CHST9: variants seen among roughly 807,000 people sequenced by gnomAD.
CHST9 encodes GalNAc-4-sulfotransferase 2.
CHST9 carries 41 observed loss-of-function variants against 44.4 expected under a neutral mutation model. That is an observed-to-expected ratio of 0.92 (90% CI 0.72 to 1.20). The LOEUF (loss-of-function observed/expected upper bound fraction) is 1.20. CHST9 is among the 50% of genes most tolerant of loss of function. The probability of loss-of-function intolerance (pLI) is 0.00; values close to 1 mark genes in which losing one functional copy is unlikely to be tolerated. For missense variants in CHST9, 504 were observed against 516.5 expected (o/e 0.98, Z 0.23); for synonymous variants, 171 against 178.4 (o/e 0.96, Z 0.33).
chr18:26,998,825 G>A lies in CHST9; in HGVS notation c.202+25291C>T, dbSNP rs1351540158. Among the ~76,000 whole-genome samples, 3 of 152,164 alleles carry A rather than the reference G, an allele frequency of 2.0e-5. No individual in the cohort carries two copies. The South Asian group carries it at 6.2e-4, about 32-fold the overall frequency. Reference sequence around the variant, plus strand: ...TGTTCTTTTTCATTCATACCAAATGGGAAAGAATTTCCTGTCAATGCTGGC... The same window carrying A: ...TGTTCTTTTTCATTCATACCAAATGAGAAAGAATTTCCTGTCAATGCTGGC... On this transcript the variant is annotated intron_variant, in intron 4 of 5. Transcript: ENST00000618847.
intron 4 of CHST9, among the ~76,000 whole-genome samples, chr18:27,011,484 C>T (rs921759668): frequency 1.3e-5 from 2 of 152,106 alleles, no homozygotes; most frequent in African/African-American, 4.8e-5. Flanking sequence ...AAAAAACAGA[C>T]AAGAGCAGCA....
intron 5 of CHST9, among the ~76,000 whole-genome samples, chr18:26,931,626 A>G (rs1366186595): frequency 3.3e-5 from 5 of 152,140 alleles, no homozygotes; most frequent in African/African-American, 1.2e-4. Flanking sequence ...CTTTATTTCA[A>G]CGGGCAAGGA....
At chr18:27,136,513 T>C (rs2058514378) in intron 2 of CHST9, among the ~76,000 whole-genome samples, 1 of 152,120 alleles carries the variant, frequency 6.6e-6, no homozygotes, top group Non-Finnish European at 1.5e-5. Context: ...TTAGTTGGAG[T>C]CCTAGAATGA....
At chr18:27,119,653 G>GT (rs146966271) in intron 2 of CHST9, among the ~76,000 whole-genome samples, 42,742 of 138,110 alleles carry the variant, frequency 0.31, 6,740 homozygotes, top group South Asian at 0.46. Context: ...TTTGTTTTGG[G>GT]TTTTTTTTTT....
At chr18:27,184,433 A>G (rs1230609360) in intron 1 of CHST9, among the ~76,000 whole-genome samples, 1 of 152,148 alleles carries the variant, frequency 6.6e-6, no homozygotes, top group Non-Finnish European at 1.5e-5. Context: ...GGAGCAGGCA[A>G]CCCTGTGAAA....
chr18:27,172,196 T>G (rs2058838596), intron 1 of CHST9, among the ~76,000 whole-genome samples: 1 of 152,194 alleles, frequency 6.6e-6, no homozygotes, highest in African/African-American at 2.4e-5. Flanking sequence ...CTTACATAGC[T>G]ATTTTCTTTT....
At chr18:26,970,717 T>TGC (rs1211213695) in intron 4 of CHST9, among the ~76,000 whole-genome samples, 1 of 152,196 alleles carries the variant, frequency 6.6e-6, no homozygotes, top group East Asian at 1.9e-4. Flanking sequence ...CGTGAGCCAA[T>TGC]GCGCCTGGCT....
intron 4 of CHST9, among the ~76,000 whole-genome samples, chr18:27,016,291 G>A (rs868855850): frequency 3.1e-4 from 47 of 152,046 alleles, no homozygotes; most frequent in African/African-American, 2.2e-4. Context: ...CACTCTACCC[G>A]TTTCTCTCCT....
At chr18:27,067,945 A>C (rs1287235089) in intron 2 of CHST9, among the ~76,000 whole-genome samples, 1 of 152,172 alleles carries the variant, frequency 6.6e-6, no homozygotes, top group Non-Finnish European at 1.5e-5. Flanking sequence ...CTGCTTTTGA[A>C]TGATCCATTT....
intron 2 of CHST9, among the ~76,000 whole-genome samples, chr18:27,093,561 G>C (rs2058089063): frequency 6.6e-6 from 1 of 152,206 alleles, no homozygotes; most frequent in African/African-American, 2.4e-5. Flanking sequence ...CCAGGCATGG[G>C]AGAGAATCAC....
At chr18:27,150,339 T>A (rs1733414718) in intron 1 of CHST9, among the ~76,000 whole-genome samples, 1 of 152,200 alleles carries the variant, frequency 6.6e-6, no homozygotes, top group Admixed American at 6.5e-5. Context: ...AGTCTGGTTC[T>A]CTAAGCCTAG....
chr18:27,005,678 G>A (rs1386171258), intron 4 of CHST9, among the ~76,000 whole-genome samples: 1 of 152,098 alleles, frequency 6.6e-6, no homozygotes, highest in Non-Finnish European at 1.5e-5. Context: ...AGGAAACTGA[G>A]GCACAGAGGG....
chr18:27,031,166 A>G (rs187932666), intron 3 of CHST9, among the ~76,000 whole-genome samples: 361 of 152,212 alleles, frequency 2.4e-3, no homozygotes, highest in Middle Eastern at 3.4e-3. Flanking sequence ...ATTCAGTTCC[A>G]AATATTTATG....
intron 2 of CHST9, among the ~76,000 whole-genome samples, chr18:27,051,710 A>G (rs1402696838): frequency 1.3e-5 from 2 of 152,194 alleles, no homozygotes; most frequent in Admixed American, 6.5e-5. Context: ...CCAAAACCAG[A>G]ACCATCCAGT....
At chr18:27,176,718 C>G (rs1155610) in intron 1 of CHST9, among the ~76,000 whole-genome samples, 109,072 of 151,794 alleles carry the variant, frequency 0.72, 39,443 homozygotes, top group East Asian at 0.77. Flanking sequence ...TAATCTCAAG[C>G]CATTCTTACT....
intron 1 of CHST9, among the ~76,000 whole-genome samples, chr18:27,157,691 G>A (rs531338677): frequency 6.6e-6 from 1 of 152,012 alleles, no homozygotes; most frequent in Admixed American, 6.6e-5. Flanking sequence ...AACTGCCTAA[G>A]GTAGTTACTG....
rs60705060 is a variant in CHST9, at chr18:27,137,304, A to ATGTGTGTG, written c.121+5377_121+5384dup. 3.9e-4 allele frequency among the ~76,000 whole-genome samples: 57 copies of ATGTGTGTG among 145,476 alleles called. 1 individual carries two copies. Among genetic ancestry groups the ATGTGTGTG allele is most frequent in the African/African-American group, 1.4e-3 (55 of 39,382 alleles). ...TCTGTATATATTGATTTATTTATAT[A>ATGTGTGTG]TGTGTGTGTGTGTGTGTGTGTGTGT... On this transcript the variant is annotated intron_variant, in intron 2 of 5. Coordinates refer to ENST00000618847, the MANE Select transcript of CHST9 (RefSeq NM_031422.6).
At chr18:26,968,017 C>A (rs1403274199) in intron 4 of CHST9, among the ~76,000 whole-genome samples, 2 of 152,234 alleles carry the variant, frequency 1.3e-5, no homozygotes, top group Non-Finnish European at 2.9e-5. Flanking sequence ...CCTTCGGCCG[C>A]AGACTGAAGG....
At chr18:27,160,192 T>C (rs1341575547) in intron 1 of CHST9, among the ~76,000 whole-genome samples, 2 of 152,332 alleles carry the variant, frequency 1.3e-5, no homozygotes, top group East Asian at 3.9e-4. Flanking sequence ...TGTGCCAGTT[T>C]TCACAGGGAA....
Sources: gnomAD v4.1 joint callset for allele counts (sites outside exome capture counted in the v4.1 genomes callset) on GRCh38, gnomAD v4.1.1 for gene constraint, MANE v1.5 for transcripts, NCBI Gene and HGNC (gene_info 2026-07-23, HGNC 2026-07-21) for gene names.